Variants in MYOM2 observed in about 807,000 individuals in gnomAD.
The protein encoded by MYOM2 is myomesin 2.
A neutral mutation model predicts 187.6 loss-of-function variants in MYOM2; 254 were observed. The ratio of observed to expected loss-of-function variants is 1.35; its 90% CI spans 1.22 to 1.50. The LOEUF (loss-of-function observed/expected upper bound fraction) is 1.50. Among genes scored for constraint, MYOM2 ranks in the 40% most tolerant of loss-of-function variants. The pLI is 0.00. For missense variants in MYOM2, 2,796 were observed against 1,924.0 expected (o/e 1.45, Z -8.48); for synonymous variants, 981 against 753.8 (o/e 1.30, Z -4.94).
intron 8 of MYOM2, among the ~76,000 whole-genome samples, chr8:2,072,096 C>A (rs557909052): frequency 6.6e-6 from 1 of 152,104 alleles, no homozygotes; most frequent in Middle Eastern, 3.4e-3. Context: ...CGTGCTTTTG[C>A]GGTGACGGTC....
intron 14 of MYOM2, among the ~76,000 whole-genome samples, chr8:2,089,003 C>T (rs1796194006): frequency 6.6e-6 from 1 of 152,142 alleles, no homozygotes; most frequent in Non-Finnish European, 1.5e-5. Flanking sequence ...CCTGGGGGCT[C>T]CCACCACAAA....
At position 2,096,320 on chromosome 8, in the gene MYOM2, C is replaced by T. The variant is rs1210995175; in HGVS notation, c.2199C>T (p.Val733=). 1.9e-6 allele frequency: 3 copies of T among 1,614,194 alleles called. No individual in the cohort carries two copies. Among genetic ancestry groups the T allele is most frequent in the Non-Finnish European group, 2.5e-6 (3 of 1,180,044 alleles). ...DGHSMTLGWK[V]PKFSGGSPIL... ...ACTCCATGACCCTCGGCTGGAAGGT[C>T]CCGAAATTCAGTGGTGGCTCGCCCA... is the stretch of plus-strand genomic sequence containing the variant. The change falls in exon 18 of 37, where the codon GTC becomes GTT. Residue 733 remains valine, a synonymous_variant. Coordinates refer to ENST00000262113, the MANE Select transcript of MYOM2 (RefSeq NM_003970.4).
chr8:2,094,146 G>T, intron 17 of MYOM2, 55 bp downstream of exon 17: 2 of 1,591,912 alleles, frequency 1.3e-6, no homozygotes, highest in Non-Finnish European at 1.7e-6. Flanking sequence ...TGTCATTTCT[G>T]CATGAATAAA....
chr8:2,052,346 C>T (rs1343243537), intron 3 of MYOM2, 33 bp downstream of exon 3: 2 of 1,568,370 alleles, frequency 1.3e-6, no homozygotes, highest in Admixed American at 1.9e-5. Context: ...TCCACTTGTG[C>T]CCTGCGTGGG....
chr8:2,135,235 C>A (rs1280571176), intron 32 of MYOM2, among the ~76,000 whole-genome samples: 1 of 152,134 alleles, frequency 6.6e-6, no homozygotes, highest in Non-Finnish European at 1.5e-5. Flanking sequence ...TACTAGAGTT[C>A]AGTGTTTCCT....
rs1819152611 is a variant in MYOM2 at position 2,069,797 on chromosome 8, T to A, written c.793+300T>A. On this transcript the variant is annotated intron_variant, in intron 8 of 36. Coordinates refer to ENST00000262113, the MANE Select transcript of MYOM2 (RefSeq NM_003970.4). Reference sequence around the variant, plus strand: ...CCCATGTAATTCTATGGCTAGGTGGTATTTTTAGACTGGTGAAAACATCAC... The same window carrying A: ...CCCATGTAATTCTATGGCTAGGTGGAATTTTTAGACTGGTGAAAACATCAC... Among the ~76,000 whole-genome samples, 3 of 152,232 alleles carry A rather than the reference T, an allele frequency of 2.0e-5. No individual in the cohort carries two copies. In the South Asian group the frequency reaches 6.2e-4, roughly 31 times the overall value.
chr8:2,123,199 T>C, intron 28 of MYOM2, 53 bp from the exon 29 acceptor site: 2 of 1,231,656 alleles, frequency 1.6e-6, no homozygotes, highest in East Asian at 2.4e-5. Context: ...GACTTTCTTT[T>C]TCTCATGAGT....
intron 6 of MYOM2, among the ~76,000 whole-genome samples, chr8:2,067,346 G>A (rs980344312): frequency 5.3e-5 from 8 of 152,078 alleles, no homozygotes; most frequent in Admixed American, 1.3e-4. Context: ...CTTTTCCCAC[G>A]TTAAGATTCT....
chr8:2,079,784 G>GA (rs1236912984), intron 13 of MYOM2, among the ~76,000 whole-genome samples, 171 bp downstream of exon 13: 7 of 152,090 alleles, frequency 4.6e-5, no homozygotes, highest in Admixed American at 6.6e-5. Flanking sequence ...TTAAAAAAAA[G>GA]AAAAAATCAA....
chr8:2,065,633 C>G (rs1818994563), intron 6 of MYOM2, among the ~76,000 whole-genome samples: 1 of 152,086 alleles, frequency 6.6e-6, no homozygotes, highest in Admixed American at 6.5e-5. Flanking sequence ...TCTTATTGCC[C>G]AGTGTTTCTT....
intron 25 of MYOM2, 62 bp from the exon 26 acceptor site, chr8:2,115,898 G>A (rs569866720): frequency 6.4e-7 from 1 of 1,550,714 alleles, no homozygotes; most frequent in African/African-American, 1.4e-5. Flanking sequence ...GTTAAATGTT[G>A]CAAGGGAAAA....
At chr8:2,052,435 C>A in intron 3 of MYOM2, 122 bp downstream of exon 3, 1 of 1,076,570 alleles carries the variant, frequency 9.3e-7, no homozygotes, top group Non-Finnish European at 1.3e-6. Flanking sequence ...ACAGGCCATG[C>A]CTGGGGTGAG....
At chr8:2,068,994 C>T (rs1286738309) in intron 6 of MYOM2, among the ~76,000 whole-genome samples, 1 of 152,184 alleles carries the variant, frequency 6.6e-6, no homozygotes, top group Non-Finnish European at 1.5e-5. Context: ...AGAGACTTCT[C>T]CTTGAGAATG....
intron 1 of MYOM2, among the ~76,000 whole-genome samples, chr8:2,050,484 A>G (rs1049743504): frequency 6.6e-6 from 1 of 152,250 alleles, no homozygotes; most frequent in Admixed American, 6.5e-5. Flanking sequence ...TTCTAGGAAT[A>G]CTTGTTGAGT....
chr8:2,072,416 A>C lies in MYOM2; in HGVS notation c.865A>C (p.Arg289=). 6.2e-7 allele frequency: 1 copy of C among 1,614,154 alleles called. No individual in the cohort carries two copies. Residue 289 remains arginine, a synonymous_variant, in exon 9 of 37, where the codon AGG becomes CGG. Transcript: ENST00000262113. ...TTTGGAGAAGTTTGGGGTCACCTTC[A>C]GGAGGGAAGGCGAGACGGTCACTCT... The part of the protein sequence containing the change: ...QFLEKFGVTF[R]REGETVTLKC...
At chr8:2,082,284 A>T (rs1410460137) in intron 13 of MYOM2, 1 of 152,236 alleles carries the variant, frequency 6.6e-6, no homozygotes, top group Non-Finnish European at 1.5e-5. Flanking sequence ...ACTTAAAAAA[A>T]TCTTTAGCCA....
intron 6 of MYOM2, among the ~76,000 whole-genome samples, chr8:2,063,206 T>G (rs1413639011): frequency 1.3e-5 from 2 of 152,250 alleles, no homozygotes; most frequent in Non-Finnish European, 2.9e-5. Flanking sequence ...TTGTCTCAGC[T>G]GTTCATACCA....
chr8:2,117,651 G>A (rs528936314), intron 27 of MYOM2, among the ~76,000 whole-genome samples: 1 of 152,214 alleles, frequency 6.6e-6, no homozygotes, highest in East Asian at 1.9e-4. Context: ...AGATTCCAGT[G>A]GAGAATCAGT....
intron 13 of MYOM2, among the ~76,000 whole-genome samples, chr8:2,080,836 C>T (rs1819596670): frequency 1.4e-5 from 2 of 144,034 alleles, no homozygotes; most frequent in South Asian, 4.2e-4. Flanking sequence ...AACAGGCAGC[C>T]CAGCCCGTGT....
Sources: allele counts gnomAD v4.1 joint callset (sites outside exome capture counted in the v4.1 genomes callset), GRCh38; gene constraint gnomAD v4.1.1; transcripts MANE v1.5; gene names NCBI Gene and HGNC (gene_info 2026-07-23, HGNC 2026-07-21).